Variants in GSE1 observed in about 807,000 individuals in gnomAD.
The protein encoded by GSE1 is Gse1 coiled-coil protein, also known as genetic suppressor element 1.
In GSE1, 32 loss-of-function variants were observed where a neutral mutation model predicts 112.6. The ratio of observed to expected loss-of-function variants is 0.28; its 90% CI spans 0.21 to 0.38. GSE1 has a LOEUF of 0.38. GSE1 is among the 10% of genes least tolerant of loss of function. GSE1 has a pLI of 1.00. For synonymous variants in GSE1, 1,115 were observed against 735.6 expected (o/e 1.52, Z -8.35); for missense variants, 2,348 against 1,699.2 (o/e 1.38, Z -6.71).
At chr16:85,557,010 G>T (rs2151268211) in intron 1 of GSE1, among the ~76,000 whole-genome samples, 1 of 152,228 alleles carries the variant, frequency 6.6e-6, no homozygotes, top group South Asian at 2.1e-4. Context: ...GGGGCAAGTC[G>T]CGCTTTCAGC....
chr16:85,616,854 T>C (rs2048402187), intron 1 of GSE1, among the ~76,000 whole-genome samples: 2 of 151,992 alleles, frequency 1.3e-5, no homozygotes, highest in African/African-American at 4.8e-5. Context: ...TTTATTGAGC[T>C]CCTCCTCTGA....
chr16:85,458,368 A>C (rs2049888915), intron 2 of GSE1, among the ~76,000 whole-genome samples: 1 of 152,258 alleles, frequency 6.6e-6, no homozygotes, highest in African/African-American at 2.4e-5. Context: ...ATGGGCCTTC[A>C]GGTGCAGGTG....
chr16:85,606,751 C>T (rs2047719621), upstream of GSE1, among the ~76,000 whole-genome samples: 1 of 152,164 alleles, frequency 6.6e-6, no homozygotes, highest in South Asian at 2.1e-4. Context: ...TTAGACTTGG[C>T]CAGGGCCGTC....
chr16:85,457,320 C>T (rs1374703022), intron 2 of GSE1, among the ~76,000 whole-genome samples: 1 of 152,182 alleles, frequency 6.6e-6, no homozygotes, highest in East Asian at 1.9e-4. Flanking sequence ...CCTGAGCTGG[C>T]AGATGGGGGA....
chr16:85,367,272 C>G (rs776898402), intron 2 of GSE1, among the ~76,000 whole-genome samples: 13 of 152,204 alleles, frequency 8.5e-5, no homozygotes, highest in Non-Finnish European at 1.5e-4. Context: ...CACCACGGCT[C>G]CGATCTGACC....
Position 85,403,095 on chromosome 16 carries a change from G to GA in GSE1, c.2464+45452_2464+45453insA, listed in dbSNP as rs956860110. Among the ~76,000 whole-genome samples, 12 of 151,808 alleles carry GA rather than the reference G, an allele frequency of 7.9e-5. No individual in the cohort carries two copies. In the Middle Eastern group the frequency reaches 0.01, roughly 129 times the overall value. ...CAAGCCCTCTCCCATGGTTGCTGGG[G>GA]GGGGACTCAGTTCCTCTGGGCCGTG... On this transcript the variant is annotated intron_variant, in intron 2 of 2. Transcript: ENST00000637419.
intron 2 of GSE1, among the ~76,000 whole-genome samples, chr16:85,466,266 T>C (rs1170792220): frequency 6.6e-6 from 1 of 152,246 alleles, no homozygotes; most frequent in Admixed American, 6.5e-5. Context: ...GCTCTCATTG[T>C]GCTTGGAAAT....
intron 2 of GSE1, among the ~76,000 whole-genome samples, chr16:85,481,233 C>G (rs1347622142): frequency 6.6e-6 from 1 of 152,234 alleles, no homozygotes; most frequent in African/African-American, 2.4e-5. Flanking sequence ...CAGTTTCTTT[C>G]TCTGTAAAAT....
intron 1 of GSE1, among the ~76,000 whole-genome samples, chr16:85,344,066 G>A (rs1381272696): frequency 6.6e-6 from 1 of 152,168 alleles, no homozygotes; most frequent in Non-Finnish European, 1.5e-5. Flanking sequence ...TGCTGAGGAC[G>A]CCGTGCCAGG....
Position 85,643,006 on chromosome 16 carries a change from C to G in GSE1, c.227-5546C>G, listed in dbSNP as rs79907612. ...AGACCGATGACTCTTCAGGGGGTGC[C>G]GGTGGTTTTTGCCTGGCGGGGTGGG... On this transcript the variant is annotated intron_variant, in intron 2 of 15. Transcript: ENST00000253458. Among the ~76,000 whole-genome samples the G allele has an allele frequency of 2.0e-5, 3 of 152,116 alleles. No individual in the cohort carries two copies. The South Asian group carries it at 6.2e-4, about 32-fold the overall frequency.
At chr16:85,613,248 GC>G, upstream of GSE1, 2 of 1,522,030 alleles carry the variant, frequency 1.3e-6, no homozygotes, top group South Asian at 2.5e-5. Context: ...GTGTTTCTTG[GC>G]CGGGGCCCCG....
chr16:85,176,617 C>T (rs1257473583), intron 1 of GSE1, among the ~76,000 whole-genome samples: 1 of 152,280 alleles, frequency 6.6e-6, no homozygotes, highest in African/African-American at 2.4e-5. Context: ...TTCCCGCTTC[C>T]AGGACTCTGT....
At chr16:85,226,197 C>A (rs974998698) in intron 1 of GSE1, among the ~76,000 whole-genome samples, 12 of 152,182 alleles carry the variant, frequency 7.9e-5, no homozygotes, top group Non-Finnish European at 8.8e-5. Context: ...TCCGAAACCA[C>A]CACTGGCAGA....
chr16:85,577,785 C>T (rs1472968926), intron 1 of GSE1, among the ~76,000 whole-genome samples: 1 of 152,232 alleles, frequency 6.6e-6, no homozygotes, highest in Non-Finnish European at 1.5e-5. Flanking sequence ...TCCCCCACCC[C>T]AGCAGGGCAG....
chr16:85,416,594 T>C (rs761474671), intron 2 of GSE1, among the ~76,000 whole-genome samples: 192 of 152,320 alleles, frequency 1.3e-3, no homozygotes, highest in Non-Finnish European at 2.2e-3. Flanking sequence ...TGCCAGACTT[T>C]CAGGGGCCCA....
intron 2 of GSE1, among the ~76,000 whole-genome samples, chr16:85,484,800 C>A (rs961777466): frequency 6.6e-6 from 1 of 152,222 alleles, no homozygotes; most frequent in African/African-American, 2.4e-5. Context: ...CCTGGGGTGG[C>A]CCCTCTTCTG....
intron 1 of GSE1, among the ~76,000 whole-genome samples, chr16:85,269,763 A>G (rs557467770): frequency 6.7e-6 from 1 of 149,438 alleles, no homozygotes; most frequent in East Asian, 1.9e-4. Context: ...ACTCTGCAGC[A>G]GGTCTGCTGG....
At chr16:85,560,128 C>CTTTTTTTTTTTTTTTTTT (rs377241566) in intron 1 of GSE1, among the ~76,000 whole-genome samples, 39 of 99,162 alleles carry the variant, frequency 3.9e-4, no homozygotes, top group South Asian at 1.1e-3. Flanking sequence ...TCTTCTTCTT[C>CTTTTTTTTTTTTTTTTTT]TTTTTTTTTT....
chr16:85,574,896 A>G (rs1451885596), intron 1 of GSE1, among the ~76,000 whole-genome samples: 3 of 152,140 alleles, frequency 2.0e-5, no homozygotes, highest in Admixed American at 6.5e-5. Context: ...CGCTCCAGGC[A>G]GGCGGGGGAT....
Sources: allele counts gnomAD v4.1 joint callset (sites outside exome capture counted in the v4.1 genomes callset), GRCh38; gene constraint gnomAD v4.1.1; transcripts MANE v1.5; gene names NCBI Gene and HGNC (gene_info 2026-07-23, HGNC 2026-07-21).